The following FBXO42 variants were observed in gnomAD, a reference collection of about 807,000 sequenced individuals.
The protein encoded by FBXO42 is F-box only protein 42.
In FBXO42, 12 loss-of-function variants were observed where a neutral mutation model predicts 71.7. The observed-to-expected ratio is 0.17, with a 90% CI of 0.11 to 0.27. FBXO42 has a LOEUF of 0.27. Ranked by LOEUF, FBXO42 falls within the 10% of genes least tolerant of loss-of-function variation. The pLI is 1.00. For synonymous variants in FBXO42, 325 were observed against 327.5 expected (o/e 0.99, Z 0.08); for missense variants, 707 against 911.9 (o/e 0.78, Z 2.89).
chr1:16,269,190 C>T (rs931676410), intron 4 of FBXO42, among the ~76,000 whole-genome samples: 53 of 149,140 alleles, frequency 3.6e-4, no homozygotes, highest in African/African-American at 1.2e-3. Context: ...TGGGTTCAAG[C>T]GATTCTCCTG....
intron 4 of FBXO42, among the ~76,000 whole-genome samples, chr1:16,275,027 T>A (rs1210543002): frequency 9.8e-5 from 15 of 152,294 alleles, no homozygotes. Flanking sequence ...AGCAGAAATA[T>A]CAGCAATCCA....
intron 2 of FBXO42, among the ~76,000 whole-genome samples, chr1:16,306,956 G>A (rs1370578837): frequency 6.6e-6 from 1 of 151,916 alleles, no homozygotes; most frequent in African/African-American, 2.4e-5. Flanking sequence ...AGGCTGGAGT[G>A]TAGTGGCTCA....
At chr1:16,281,640 C>CTTTTT (rs1557582616) in intron 4 of FBXO42, among the ~76,000 whole-genome samples, 1 of 148,504 alleles carries the variant, frequency 6.7e-6, no homozygotes, top group African/African-American at 2.5e-5. Flanking sequence ...GGCTAATTTT[C>CTTTTT]TTTTTTTCTT....
At chr1:16,302,263 C>G (rs2082203156) in intron 3 of FBXO42, among the ~76,000 whole-genome samples, 1 of 152,148 alleles carries the variant, frequency 6.6e-6, no homozygotes, top group Non-Finnish European at 1.5e-5. Flanking sequence ...GAAGGGCAGG[C>G]CGGGTGCGGT....
intron 1 of FBXO42, among the ~76,000 whole-genome samples, chr1:16,350,655 G>C (rs982398981): frequency 1.3e-5 from 2 of 149,034 alleles, no homozygotes; most frequent in African/African-American, 4.9e-5. Context: ...GCTGAGGCAG[G>C]AGAATCGCTT....
chr1:16,277,476 G>A (rs1386563643), intron 4 of FBXO42, among the ~76,000 whole-genome samples: 1 of 151,636 alleles, frequency 6.6e-6, no homozygotes, highest in African/African-American at 2.4e-5. Flanking sequence ...TGTAATCCCA[G>A]CATTTTGGGG....
At chr1:16,298,180 T>G (rs900115231) in intron 3 of FBXO42, among the ~76,000 whole-genome samples, 2 of 150,430 alleles carry the variant, frequency 1.3e-5, no homozygotes, top group Admixed American at 6.6e-5. Flanking sequence ...GAGCTGAGAT[T>G]GCGCCACTGC....
chr1:16,271,297 G>GTT (rs1402053320), intron 4 of FBXO42, among the ~76,000 whole-genome samples: 1 of 139,880 alleles, frequency 7.1e-6, no homozygotes, highest in Non-Finnish European at 1.6e-5. Flanking sequence ...GTGTGTGTGT[G>GTT]TGTGTTGGCA....
intron 4 of FBXO42, among the ~76,000 whole-genome samples, chr1:16,265,550 T>C (rs549912660): frequency 3.3e-5 from 5 of 152,066 alleles, no homozygotes; most frequent in Admixed American, 1.3e-4. Flanking sequence ...AACCTTAAAA[T>C]GCAGGTATTA....
At position 16,251,932 on chromosome 1, in the gene FBXO42, C is replaced by T. The variant is rs1275593141; in HGVS notation, c.1039-147G>A. On this transcript the variant is annotated intron_variant, in intron 9 of 9. Transcript: ENST00000375592. This position sits in a 1 kb window ranked among gnomAD's most constrained non-coding sequence, Gnocchi z 4.5. The stretch of plus-strand genomic sequence containing the variant: ...AGATGAAAATGATGTAGTCTGCCCT[C>T]TAGGCTAGAAGTCAGACATGGGAAC... 2 of 1,060,726 alleles carry T rather than the reference C, an allele frequency of 1.9e-6. No homozygotes were observed. The highest frequency in any genetic ancestry group is 2.8e-5 in the Admixed American group (1 of 35,552). 65.7% of individuals were successfully genotyped at this position (1,060,726 alleles called of 1,614,324 possible). A position where few individuals can be genotyped will look rare whatever the true frequency, so the allele number is the denominator to read the frequency against.
intron 1 of FBXO42, among the ~76,000 whole-genome samples, chr1:16,338,078 T>C (rs1186763678): frequency 2.7e-5 from 4 of 150,784 alleles, no homozygotes; most frequent in Non-Finnish European, 4.4e-5. Context: ...GCTAACACAG[T>C]GAAACCCCGT....
intron 3 of FBXO42, among the ~76,000 whole-genome samples, chr1:16,301,738 C>G (rs2082197788): frequency 6.6e-6 from 1 of 151,046 alleles, no homozygotes. Context: ...GCCTGTCTAT[C>G]TTCAAGTAGA....
intron 2 of FBXO42, among the ~76,000 whole-genome samples, chr1:16,308,152 T>C (rs2082271775): frequency 1.4e-5 from 2 of 143,798 alleles, no homozygotes; most frequent in Non-Finnish European, 3.0e-5. Context: ...AGTCCATTCA[T>C]TTTTTTTTAA....
Position 16,255,865 on chromosome 1 carries a change from C to A in FBXO42, c.657-44G>T, listed in dbSNP as rs200024078. 5.7e-5 allele frequency: 79 copies of A among 1,382,486 alleles called. No individual in the cohort carries two copies. In the East Asian group the frequency reaches 1.5e-3, roughly 26 times the overall value. The allele number at this position is 1,382,486 out of a possible 1,614,324, so 85.6% of individuals were successfully genotyped here. A position where few individuals can be genotyped will look rare whatever the true frequency, so the allele number is the denominator to read the frequency against. ...AGGAAGTCAAGAAGTCAGCACCACA[C>A]ACTTTATGTAAAAATAGTAAGTAGG... On this transcript the variant is annotated intron_variant, in intron 5 of 9. Coordinates refer to ENST00000375592, the MANE Select transcript of FBXO42 (RefSeq NM_018994.3).
chr1:16,313,486 G>T (rs941324187), intron 2 of FBXO42, among the ~76,000 whole-genome samples: 1 of 152,138 alleles, frequency 6.6e-6, no homozygotes, highest in Non-Finnish European at 1.5e-5. Flanking sequence ...TTTGAGAAGT[G>T]AAACCATGTA....
rs1569802673 is a variant in FBXO42 at position 16,251,691 on chromosome 1, G to A, written c.1133C>T (p.Thr378Ile). 1 of 1,614,242 alleles carries A rather than the reference G, an allele frequency of 6.2e-7. No individual in the cohort carries two copies. The highest frequency in any genetic ancestry group is 1.1e-5 in the South Asian group (1 of 91,088). The change falls in exon 10 of 10, where the codon ACT becomes ATT. Residue 378 changes from threonine (T) to isoleucine (I), a missense_variant. Thr to Ile is a moderately conservative substitution (Grantham distance 89, BLOSUM62 -1). Coordinates refer to ENST00000375592, the MANE Select transcript of FBXO42 (RefSeq NM_018994.3). The surrounding 1 kb of genome is among the most constrained non-coding windows in gnomAD (Gnocchi z 4.5). ...GGTTTCAGGAACGAGAGCTGGAGGA[G>A]TGGCACTGATAGGTGATGGGCGAGA... ...LNSRPSPISATPPALVPETRE... is the reference protein window; with the variant it reads ...LNSRPSPISAIPPALVPETRE...
Position 16,251,292 on chromosome 1 carries a change from C to T in FBXO42, c.1532G>A (p.Ser511Asn), listed in dbSNP as rs2081588882. 6.2e-7 allele frequency: 1 copy of T among 1,614,238 alleles called. No individual in the cohort carries two copies. Among genetic ancestry groups the T allele is most frequent in the Non-Finnish European group, 8.5e-7 (1 of 1,180,044 alleles). ...GTCCATGCCATCCATGGGATTACTA[C>T]TGGAAGCGGGTTTCAGATCCCAATT... The part of the protein sequence containing the change: ...DLNWDLKPAS[S>N]SNPMDGMDNR... Residue 511 changes from serine (S) to asparagine (N), a missense_variant, in exon 10 of 10, where the codon AGT becomes AAT. This residue lies in a region of FBXO42 where 482 missense variants were observed against 587.1 expected (regional missense o/e 0.82). Coordinates refer to ENST00000375592, the MANE Select transcript of FBXO42 (RefSeq NM_018994.3). This position sits in a 1 kb window ranked among gnomAD's most constrained non-coding sequence, Gnocchi z 4.5.
intron 3 of FBXO42, among the ~76,000 whole-genome samples, chr1:16,302,530 A>C (rs965117246): frequency 6.6e-6 from 1 of 152,008 alleles, no homozygotes; most frequent in Non-Finnish European, 1.5e-5. Flanking sequence ...TCTTTTTTGA[A>C]ACGGAGTCTC....
chr1:16,328,745 T>C (rs1020352961), intron 1 of FBXO42, among the ~76,000 whole-genome samples: 1 of 151,964 alleles, frequency 6.6e-6, no homozygotes, highest in East Asian at 1.9e-4. Context: ...CGTTCTCCAA[T>C]AAAAGAAACC....
Sources: gnomAD v4.1 joint callset for allele counts (sites outside exome capture counted in the v4.1 genomes callset) on GRCh38, gnomAD v4.1.1 for gene constraint, gnomAD v4.1.1 regional missense constraint, Gnocchi (gnomAD v3.1) non-coding constraint, MANE v1.5 for transcripts, NCBI Gene and HGNC (gene_info 2026-07-23, HGNC 2026-07-21) for gene names.